Variants in DPF3 observed in about 807,000 individuals in gnomAD.
DPF3 encodes the protein zinc finger protein DPF3.
Under a neutral mutation model 56.8 loss-of-function variants are expected in DPF3, and 18 were observed. That is an observed-to-expected ratio of 0.32 (90% CI 0.22 to 0.47). DPF3 has a LOEUF of 0.47. Ranked by LOEUF, DPF3 falls within the 20% of genes least tolerant of loss-of-function variation. The pLI, the probability that DPF3 is intolerant of heterozygous loss-of-function variation, is 1.00. For missense variants in DPF3, 403 were observed against 488.8 expected, an observed-to-expected ratio of 0.82 and a Z score of 1.65; for synonymous variants, 188 against 180.2, an observed-to-expected ratio of 1.04 and a Z score of -0.35.
rs371489956 is a variant in DPF3, at chr14:72,609,542, G to A, written c.*9755C>T. ...CTGAAACACTGAGAGAGCTTGATACGTTCCTTAGGCAGGGCAGAAACATCA... is the reference window on the plus strand; with the variant it reads ...CTGAAACACTGAGAGAGCTTGATACATTCCTTAGGCAGGGCAGAAACATCA... On this transcript the variant is annotated 3_prime_UTR_variant, in exon 11 of 11. Transcript: ENST00000556509. Among the ~76,000 whole-genome samples, 6 of 152,188 alleles carry A rather than the reference G, an allele frequency of 3.9e-5. No homozygotes were observed. The highest frequency in any genetic ancestry group is 2.1e-4 in the South Asian group (1 of 4,820).
At chr14:72,826,477 A>T (rs1883807150) in intron 1 of DPF3, among the ~76,000 whole-genome samples, 1 of 152,196 alleles carries the variant, frequency 6.6e-6, no homozygotes. Context: ...AGTTGCCCAG[A>T]GGAAGTGCTA....
At chr14:72,626,173 T>G (rs1022821116) in intron 9 of DPF3, among the ~76,000 whole-genome samples, 3 of 152,170 alleles carry the variant, frequency 2.0e-5, no homozygotes, top group Non-Finnish European at 4.4e-5. Context: ...ATTTATCTAT[T>G]TGGGAGGTAT....
intron 5 of DPF3, among the ~76,000 whole-genome samples, chr14:72,716,765 TCTC>T (rs1251483396): frequency 3.3e-5 from 5 of 152,126 alleles, no homozygotes; most frequent in Admixed American, 2.6e-4. Context: ...CTCTGGTTCT[TCTC>T]CTTCATTCTC....
intron 2 of DPF3, among the ~76,000 whole-genome samples, chr14:72,765,540 T>G (rs927824043): frequency 6.6e-6 from 1 of 152,212 alleles, no homozygotes; most frequent in Non-Finnish European, 1.5e-5. Flanking sequence ...ATAAATTAAC[T>G]GTGATACAGC....
chr14:72,792,576 C>T (rs1208947055), intron 1 of DPF3, among the ~76,000 whole-genome samples: 2 of 152,178 alleles, frequency 1.3e-5, no homozygotes, highest in East Asian at 1.9e-4. Context: ...CTGGAGAACC[C>T]GGCTCAGCAC....
intron 1 of DPF3, among the ~76,000 whole-genome samples, chr14:72,838,249 T>C (rs1246383249): frequency 1.3e-5 from 2 of 152,116 alleles, no homozygotes. Context: ...ATTCCAGCAC[T>C]CTGGGAGGCC....
At chr14:72,713,638 C>T (rs1223844789) in intron 6 of DPF3, among the ~76,000 whole-genome samples, 2 of 152,212 alleles carry the variant, frequency 1.3e-5, no homozygotes, top group Non-Finnish European at 2.9e-5. Context: ...GCTGCCCTCC[C>T]ATAGAATGAG....
intron 8 of DPF3, 88 bp downstream of exon 8, chr14:72,674,152 C>G: frequency 6.8e-7 from 1 of 1,471,298 alleles, no homozygotes; most frequent in South Asian, 1.5e-5. Context: ...CTTCCCTCTC[C>G]AGTCTCCAGC....
intron 5 of DPF3, among the ~76,000 whole-genome samples, chr14:72,720,296 C>G (rs1248831471): frequency 1.3e-5 from 2 of 152,070 alleles, no homozygotes; most frequent in Non-Finnish European, 2.9e-5. Flanking sequence ...AGTTCCAGAT[C>G]AGCCTGAGCA....
At chr14:72,660,576 G>A in intron 8 of DPF3, among the ~76,000 whole-genome samples, 1 of 152,204 alleles carries the variant, frequency 6.6e-6, no homozygotes, top group East Asian at 1.9e-4. Flanking sequence ...TACACCAACA[G>A]CACCTTCCAG....
intron 5 of DPF3, among the ~76,000 whole-genome samples, chr14:72,716,338 C>T (rs1256671948): frequency 3.3e-5 from 5 of 152,096 alleles, no homozygotes; most frequent in Admixed American, 1.3e-4. Context: ...AAATGGGGAT[C>T]GTGTCTATAG....
At chr14:72,819,643 G>C (rs1477234126) in intron 1 of DPF3, among the ~76,000 whole-genome samples, 1 of 152,108 alleles carries the variant, frequency 6.6e-6, no homozygotes, top group Non-Finnish European at 1.5e-5. Flanking sequence ...AGATTCAAAA[G>C]AGTAGATAGT....
intron 8 of DPF3, chr14:72,670,793 A>G: frequency 2.7e-6 from 3 of 1,097,256 alleles, no homozygotes; most frequent in Non-Finnish European, 3.3e-6. Flanking sequence ...GAGGACATCA[A>G]CTCTGCTCCT....
chr14:72,723,819 T>C, intron 4 of DPF3, 91 bp from the exon 5 acceptor site: 2 of 1,302,932 alleles, frequency 1.5e-6, no homozygotes, highest in South Asian at 2.7e-5. Flanking sequence ...TCTGATTTGT[T>C]GTTATTTTTT....
At chr14:72,711,787 G>A (rs1315095475) in intron 6 of DPF3, among the ~76,000 whole-genome samples, 4 of 152,128 alleles carry the variant, frequency 2.6e-5, no homozygotes, top group Non-Finnish European at 4.4e-5. Context: ...ACACTCATTC[G>A]AAGCACAGCT....
At chr14:72,847,455 C>T (rs1432125749) in intron 1 of DPF3, among the ~76,000 whole-genome samples, 1 of 152,154 alleles carries the variant, frequency 6.6e-6, no homozygotes, top group African/African-American at 2.4e-5. Flanking sequence ...CTCCCTGAAG[C>T]ATAATCAGCC....
intron 3 of DPF3, among the ~76,000 whole-genome samples, chr14:72,743,600 C>CAA (rs57448538): frequency 7.1e-6 from 1 of 141,756 alleles, no homozygotes; most frequent in African/African-American, 2.6e-5. Context: ...TTTCTTCATT[C>CAA]AAAAAAAAAA....
intron 1 of DPF3, among the ~76,000 whole-genome samples, chr14:72,816,483 C>T (rs987736817): frequency 5.3e-5 from 8 of 152,084 alleles, no homozygotes; most frequent in Non-Finnish European, 1.0e-4. Context: ...AAGATCAGAA[C>T]CTTACCCCCA....
chr14:72,885,016 G>C (rs1297176642), intron 1 of DPF3, among the ~76,000 whole-genome samples: 36 of 132,914 alleles, frequency 2.7e-4, no homozygotes, highest in Non-Finnish European at 4.5e-4. Context: ...CTACTCGGGA[G>C]GCTGAGCCCG....
Sources: allele counts gnomAD v4.1 joint callset (sites outside exome capture counted in the v4.1 genomes callset), GRCh38; gene constraint gnomAD v4.1.1; transcripts MANE v1.5; gene names NCBI Gene and HGNC (gene_info 2026-07-23, HGNC 2026-07-21).